Variants in CNTN5 observed in about 807,000 individuals in gnomAD.
The protein encoded by CNTN5 is contactin 5.
In CNTN5, 77 loss-of-function variants were observed where a neutral mutation model predicts 129.1. That is an observed-to-expected ratio of 0.60 (90% CI 0.50 to 0.72). The LOEUF is 0.72. Ranked by LOEUF, CNTN5 falls within the 30% of genes least tolerant of loss-of-function variation. The probability of loss-of-function intolerance (pLI) is 0.00; values close to 1 mark genes in which losing one functional copy is unlikely to be tolerated. For missense variants in CNTN5, 1,478 were observed against 1,328.8 expected, an observed-to-expected ratio of 1.11 and a Z score of -1.75; for synonymous variants, 509 against 465.6, an observed-to-expected ratio of 1.09 and a Z score of -1.20.
intron 2 of CNTN5, among the ~76,000 whole-genome samples, chr11:99,441,222 C>T (rs1483641950): frequency 6.6e-6 from 1 of 152,118 alleles, no homozygotes; most frequent in African/African-American, 2.4e-5. Flanking sequence ...TAAAGAGCGT[C>T]AAAATATTGA....
chr11:99,882,359 A>C (rs1259354666), intron 6 of CNTN5, among the ~76,000 whole-genome samples: 1 of 152,114 alleles, frequency 6.6e-6, no homozygotes, highest in East Asian at 1.9e-4. Context: ...CAGCCTATGC[A>C]CCCACCCCTC....
intron 3 of CNTN5, among the ~76,000 whole-genome samples, chr11:99,717,461 A>G (rs906946095): frequency 1.1e-4 from 17 of 152,140 alleles, no homozygotes; most frequent in African/African-American, 4.1e-4. Flanking sequence ...TCAGTAATAT[A>G]AAAAAAGATA....
chr11:99,817,993 A>G (rs1946649328), intron 3 of CNTN5, among the ~76,000 whole-genome samples: 1 of 152,202 alleles, frequency 6.6e-6, no homozygotes, highest in Non-Finnish European at 1.5e-5. Flanking sequence ...CTAAAAATAT[A>G]CTTTTTAGAG....
chr11:100,135,443 G>A (rs1006221701), intron 13 of CNTN5, among the ~76,000 whole-genome samples: 1 of 151,974 alleles, frequency 6.6e-6, no homozygotes, highest in Non-Finnish European at 1.5e-5. Flanking sequence ...CCACAGTGCT[G>A]GGATTACAGG....
chr11:99,484,607 A>T (rs1945735243), intron 2 of CNTN5, among the ~76,000 whole-genome samples: 1 of 152,238 alleles, frequency 6.6e-6, no homozygotes, highest in South Asian at 2.1e-4. Context: ...TATTCACAAC[A>T]ACCCATTTAT....
chr11:99,888,774 C>T (rs970123563), intron 6 of CNTN5, among the ~76,000 whole-genome samples: 2 of 152,114 alleles, frequency 1.3e-5, no homozygotes, highest in African/African-American at 4.8e-5. Flanking sequence ...AAATCAAAAT[C>T]CTGAGAGGTG....
chr11:100,157,122 T>G, intron 13 of CNTN5, among the ~76,000 whole-genome samples: 1 of 151,734 alleles, frequency 6.6e-6, no homozygotes, highest in East Asian at 1.9e-4. Context: ...TTTCTTTTTA[T>G]CACTTTTCTT....
intron 4 of CNTN5, among the ~76,000 whole-genome samples, chr11:99,830,835 C>T (rs1947116425): frequency 6.6e-6 from 1 of 152,074 alleles, no homozygotes; most frequent in Admixed American, 6.6e-5. Flanking sequence ...TTCATAGTCT[C>T]CTCTTTATTC....
rs115833466 is a variant in CNTN5, at chr11:99,110,063, G to A, written c.-210+88793G>A. ...GGTAAAGAAATATTCGAATAGATGAGAAAGCATATCTCTTGAGAAAGAAGG... is the reference window on the plus strand; with the variant it reads ...GGTAAAGAAATATTCGAATAGATGAAAAAGCATATCTCTTGAGAAAGAAGG... On this transcript the variant is annotated intron_variant, in intron 1 of 24. Coordinates refer to ENST00000524871, the MANE Select transcript of CNTN5 (RefSeq NM_014361.4). 2.9e-3 allele frequency among the ~76,000 whole-genome samples: 435 copies of A among 152,214 alleles called. 1 individual carries two copies. Among genetic ancestry groups the A allele is most frequent in the African/African-American group, 0.01 (421 of 41,544 alleles).
chr11:100,285,061 A>C (rs1400975400), intron 18 of CNTN5, among the ~76,000 whole-genome samples: 3 of 152,198 alleles, frequency 2.0e-5, no homozygotes, highest in African/African-American at 7.2e-5. Flanking sequence ...AGATTTTTTA[A>C]ATGCATGTAA....
chr11:100,137,594 G>A (rs764579954), intron 13 of CNTN5, among the ~76,000 whole-genome samples: 2 of 152,068 alleles, frequency 1.3e-5, no homozygotes, highest in African/African-American at 2.4e-5. Flanking sequence ...AGGGAAGTTG[G>A]TGACTGTGTG....
rs376538734 is a variant in CNTN5 at position 99,246,262 on chromosome 11, C to G, written c.-209-79084C>G. Among the ~76,000 whole-genome samples the G allele has an allele frequency of 2.1e-3, 317 of 152,048 alleles. 1 individual carries two copies. Among genetic ancestry groups the G allele is most frequent in the African/African-American group, 7.5e-3 (310 of 41,516 alleles). ...TGTAAGAACTAGAGTTATTCATCAT[C>G]ATTATAAACATTAAAGTGATCTGAA... On this transcript the variant is annotated intron_variant, in intron 1 of 24. Coordinates refer to ENST00000524871, the MANE Select transcript of CNTN5 (RefSeq NM_014361.4).
intron 3 of CNTN5, among the ~76,000 whole-genome samples, chr11:99,556,687 A>G (rs1293911130): frequency 6.7e-6 from 1 of 149,214 alleles, no homozygotes; most frequent in East Asian, 1.9e-4. Context: ...AGCTAATTAT[A>G]AAAGTGTCTC....
intron 7 of CNTN5, among the ~76,000 whole-genome samples, chr11:99,941,949 C>A (rs115935545): frequency 9.4e-4 from 143 of 152,058 alleles, no homozygotes; most frequent in African/African-American, 3.0e-3. Flanking sequence ...AAAGAAAACA[C>A]CTGATTTCAC....
intron 2 of CNTN5, among the ~76,000 whole-genome samples, chr11:99,493,612 G>T (rs10790743): frequency 6.6e-6 from 1 of 151,906 alleles, no homozygotes; most frequent in African/African-American, 2.4e-5. Context: ...TCTAGTGCAG[G>T]TTCAAAAAAA....
intron 3 of CNTN5, among the ~76,000 whole-genome samples, chr11:99,628,166 C>T (rs1951198481): frequency 6.6e-6 from 1 of 151,864 alleles, no homozygotes; most frequent in African/African-American, 2.4e-5. Flanking sequence ...AAATTGAAGT[C>T]TAATTTATTC....
At chr11:99,743,345 G>A (rs1943944441) in intron 3 of CNTN5, among the ~76,000 whole-genome samples, 1 of 152,096 alleles carries the variant, frequency 6.6e-6, no homozygotes, top group Non-Finnish European at 1.5e-5. Flanking sequence ...CTAATGTTCA[G>A]ATATTAGGAA....
At chr11:100,107,625 CTA>C (rs905785764) in intron 13 of CNTN5, among the ~76,000 whole-genome samples, 7 of 150,194 alleles carry the variant, frequency 4.7e-5, no homozygotes, top group African/African-American at 1.5e-4. Flanking sequence ...AACAAAAAAA[CTA>C]TTATATAGTG....
At chr11:100,021,188 T>G (rs960103508) in intron 9 of CNTN5, among the ~76,000 whole-genome samples, 1 of 152,174 alleles carries the variant, frequency 6.6e-6, no homozygotes, top group Non-Finnish European at 1.5e-5. Flanking sequence ...ACACACTTTT[T>G]GTGATTTAAA....
Sources: allele counts gnomAD v4.1 joint callset (sites outside exome capture counted in the v4.1 genomes callset), GRCh38; gene constraint gnomAD v4.1.1; transcripts MANE v1.5; gene names NCBI Gene and HGNC (gene_info 2026-07-23, HGNC 2026-07-21).